YTHDF2: variants seen among roughly 807,000 people sequenced by gnomAD.
YTHDF2 encodes the protein YTH N6-methyladenosine RNA binding protein F2, also known as YTH domain-containing family protein 2.
Under a neutral mutation model 50.4 loss-of-function variants are expected in YTHDF2, and 2 were observed. That is an observed-to-expected ratio of 0.04 (90% CI 0.02 to 0.12). The LOEUF is 0.12. Ranked by LOEUF, YTHDF2 falls within the 10% of genes least tolerant of loss-of-function variation. YTHDF2 has a pLI of 1.00. For synonymous variants in YTHDF2, 217 were observed against 255.6 expected, an observed-to-expected ratio of 0.85 and a Z score of 1.44; for missense variants, 483 against 722.6, an observed-to-expected ratio of 0.67 and a Z score of 3.80.
intron 4 of YTHDF2, among the ~76,000 whole-genome samples, chr1:28,759,612 A>G (rs932823594): frequency 7.2e-5 from 11 of 152,220 alleles, no homozygotes; most frequent in Admixed American, 2.0e-4. Context: ...TAATGCAATG[A>G]TAAGTATTTG....
intron 4 of YTHDF2, among the ~76,000 whole-genome samples, chr1:28,751,312 A>G (rs547931884): frequency 3.9e-5 from 6 of 152,190 alleles, no homozygotes; most frequent in South Asian, 4.1e-4. Context: ...CTTGAGCTAA[A>G]TATATTAAAT....
At chr1:28,756,420 A>G (rs972103374) in intron 4 of YTHDF2, among the ~76,000 whole-genome samples, 1 of 152,216 alleles carries the variant, frequency 6.6e-6, no homozygotes, top group African/African-American at 2.4e-5. Flanking sequence ...CTTACCTACC[A>G]GAAGTAAAGA....
chr1:28,757,379 C>T (rs906461839), intron 4 of YTHDF2, among the ~76,000 whole-genome samples: 1 of 152,138 alleles, frequency 6.6e-6, no homozygotes, highest in African/African-American at 2.4e-5. Context: ...GGCCAATCCC[C>T]TGTGTGAACT....
intron 4 of YTHDF2, among the ~76,000 whole-genome samples, chr1:28,764,785 C>T (rs1376772386): frequency 6.6e-6 from 1 of 151,966 alleles, no homozygotes; most frequent in East Asian, 1.9e-4. Context: ...TCAGGTGATC[C>T]CACCTTCCTC....
Position 28,765,850 on chromosome 1 carries a change from G to A in YTHDF2, c.1717-3079G>A, listed in dbSNP as rs1386104999. Among the ~76,000 whole-genome samples, 9 of 152,180 alleles carry A rather than the reference G, an allele frequency of 5.9e-5. No individual in the cohort carries two copies. The East Asian group carries it at 1.2e-3, about 20-fold the overall frequency. On this transcript the variant is annotated intron_variant, in intron 4 of 4. Coordinates refer to ENST00000373812, the MANE Select transcript of YTHDF2 (RefSeq NM_016258.3). ...ATATATAATGTTTTCCTGAGCCAGA[G>A]AGTTACAGTCTAGACATCATGTCTT... is the stretch of plus-strand genomic sequence containing the variant.
rs1438500982 is a variant in YTHDF2, at chr1:28,742,578, C to G, written c.308C>G (p.Ala103Gly). The G allele has an allele frequency of 2.5e-6, 4 of 1,613,966 alleles. No individual in the cohort carries two copies. Among genetic ancestry groups the G allele is most frequent in the East Asian group, 2.2e-5 (1 of 44,880 alleles). The change falls in exon 4 of 5, where the codon GCA (alanine) becomes GGA (glycine). Residue 103 changes from alanine (A) to glycine (G), a missense_variant. Ala to Gly is a moderately conservative substitution (Grantham distance 60). Around this residue, in one of 4 missense-constraint regions of YTHDF2, gnomAD observed 385 missense variants for 475.8 expected, o/e 0.81. Transcript: ENST00000373812. ...GGAGAGCCCCACTTCCTACCAGATGCAATGTTTGGGCAACCAGGAGCCCTA... is the reference window on the plus strand; with the variant it reads ...GGAGAGCCCCACTTCCTACCAGATGGAATGTTTGGGCAACCAGGAGCCCTA... ...SNGEPHFLPD[A>G]MFGQPGALGS...
intron 4 of YTHDF2, among the ~76,000 whole-genome samples, chr1:28,752,393 C>G (rs1431948117): frequency 6.6e-6 from 1 of 152,098 alleles, no homozygotes; most frequent in Non-Finnish European, 1.5e-5. Context: ...TCCTCCACCT[C>G]CCGGGTTCAG....
intron 4 of YTHDF2, among the ~76,000 whole-genome samples, chr1:28,761,060 A>C (rs1027311020): frequency 1.3e-5 from 2 of 150,216 alleles, no homozygotes; most frequent in Non-Finnish European, 2.9e-5. Context: ...CTCCATTATA[A>C]TCTTACTGAT....
chr1:28,742,648 C>G lies in YTHDF2; in HGVS notation c.378C>G (p.Pro126=), dbSNP rs1385886551. The change falls in exon 4 of 5, where the codon CCC becomes CCG. Residue 126 remains proline, a synonymous_variant. Transcript: ENST00000373812. ...FLGQHGFNFF[P]SGIDFSAWGN... is the part of the protein sequence containing the mutation. ...GTCAGCATGGTTTTAATTTCTTTCC[C>G]AGTGGGATTGACTTCTCAGCATGGG... 6.2e-7 allele frequency: 1 copy of G among 1,613,998 alleles called. No individual in the cohort carries two copies. The highest frequency in any genetic ancestry group is 8.5e-7 in the Non-Finnish European group (1 of 1,180,016).
intron 2 of YTHDF2, 52 bp downstream of exon 2, chr1:28,737,734 T>TG (rs2087716889): frequency 1.3e-6 from 2 of 1,584,792 alleles, no homozygotes; most frequent in Non-Finnish European, 1.7e-6. Flanking sequence ...CGCGGGGCGG[T>TG]GGGGGCGGGG....
chr1:28,749,631 G>A (rs1235232995), intron 4 of YTHDF2, among the ~76,000 whole-genome samples: 1 of 152,066 alleles, frequency 6.6e-6, no homozygotes, highest in Non-Finnish European at 1.5e-5. Context: ...GTAAAAATGA[G>A]GGAAGTAGTC....
At chr1:28,763,308 C>G (rs1414720709) in intron 4 of YTHDF2, among the ~76,000 whole-genome samples, 1 of 152,020 alleles carries the variant, frequency 6.6e-6, no homozygotes, top group Non-Finnish European at 1.5e-5. Context: ...GAGTTTTGCT[C>G]TTTTGCCCAG....
Position 28,743,036 on chromosome 1 carries a change from A to C in YTHDF2, c.766A>C (p.Lys256Gln). The change falls in exon 4 of 5, where the codon AAG becomes CAG. Residue 256 changes from lysine (K) to glutamine (Q), a missense_variant. By Grantham distance (53) the Lys-to-Gln change is moderately conservative. Around this residue, in one of 4 missense-constraint regions of YTHDF2, gnomAD observed 385 missense variants for 475.8 expected, o/e 0.81. Transcript: ENST00000373812. The surrounding 1 kb of genome is among the most constrained non-coding windows in gnomAD (Gnocchi z 6.9). The stretch of plus-strand genomic sequence containing the variant: ...AAAACAGCAACCTAAACTGAAGACC[A>C]AGAATGGCATTGCAGGGTCAAGTCT... ...PAKQQPKLKT[K>Q]NGIAGSSLPP... 1 of 1,614,242 alleles carries C rather than the reference A, an allele frequency of 6.2e-7. No individual in the cohort carries two copies. The highest frequency in any genetic ancestry group is 1.1e-5 in the South Asian group (1 of 91,084).
intron 4 of YTHDF2, among the ~76,000 whole-genome samples, chr1:28,751,012 G>A (rs1261293149): frequency 6.8e-6 from 1 of 147,772 alleles, no homozygotes; most frequent in African/African-American, 2.5e-5. Context: ...AGAATCGCTT[G>A]AACTTGGGAG....
chr1:28,761,106 A>AGTGTGT lies in YTHDF2; in HGVS notation c.1717-7804_1717-7799dup, dbSNP rs137903917. 6.7e-4 allele frequency among the ~76,000 whole-genome samples: 82 copies of AGTGTGT among 121,750 alleles called. 1 individual carries two copies. In the East Asian group the frequency reaches 0.013, roughly 19 times the overall value. The allele number at this position is 121,750 out of a possible 152,430, so 79.9% of individuals were successfully genotyped here. ...CTGAAATGTCATTATATCGTGCATG[A>AGTGTGT]GTGTGTGTGTGTGTGTGTGTGTGTA... On this transcript the variant is annotated intron_variant, in intron 4 of 4. Coordinates refer to ENST00000373812, the MANE Select transcript of YTHDF2 (RefSeq NM_016258.3).
intron 4 of YTHDF2, among the ~76,000 whole-genome samples, chr1:28,744,795 A>G (rs868102495): frequency 1.3e-5 from 2 of 151,926 alleles, no homozygotes; most frequent in African/African-American, 4.8e-5. Flanking sequence ...CAGCTTCGTG[A>G]CTAGCTGGGA....
chr1:28,769,541 C>G lies in YTHDF2; in HGVS notation c.*589C>G, dbSNP rs1217000212. 1 of 152,558 alleles carries G rather than the reference C, an allele frequency of 6.6e-6. No individual in the cohort carries two copies. Among genetic ancestry groups the G allele is most frequent in the Non-Finnish European group, 1.5e-5 (1 of 68,054 alleles). The allele number at this position is 152,558 out of a possible 1,614,324, so 9.5% of individuals were successfully genotyped here. On this transcript the variant is annotated 3_prime_UTR_variant, in exon 5 of 5. Transcript: ENST00000373812. ...TACTCAAAGTAAAGTACTAGGAGTC[C>G]TAAGAAATGTTCTGTTCTTGTACAT...
At chr1:28,739,662 C>A (rs184824960) in intron 3 of YTHDF2, among the ~76,000 whole-genome samples, 105 of 151,994 alleles carry the variant, frequency 6.9e-4, no homozygotes, top group African/African-American at 2.3e-3. Flanking sequence ...TATTTCTCAC[C>A]GAAGGGAGGT....
intron 1 of YTHDF2, 22 bp downstream of exon 1, chr1:28,737,169 C>A: frequency 6.4e-7 from 1 of 1,574,546 alleles, no homozygotes; most frequent in Non-Finnish European, 8.6e-7. Context: ...GCCCGCATGC[C>A]TCGGCCATTG....
Sources: allele counts gnomAD v4.1 joint callset (sites outside exome capture counted in the v4.1 genomes callset), GRCh38; gene constraint gnomAD v4.1.1; regional missense constraint gnomAD v4.1.1; non-coding constraint Gnocchi (gnomAD v3.1); transcripts MANE v1.5; gene names NCBI Gene and HGNC (gene_info 2026-07-23, HGNC 2026-07-21).